EVI5L: variants seen among roughly 807,000 people sequenced by gnomAD.
EVI5L encodes ecotropic viral integration site 5 like, also known as EVI5-like protein.
EVI5L carries 30 observed loss-of-function variants against 106.1 expected under a neutral mutation model. The ratio of observed to expected loss-of-function variants is 0.28; its 90% CI spans 0.21 to 0.38. EVI5L has a LOEUF of 0.38. Among genes scored for constraint, EVI5L ranks in the 10% least tolerant of loss-of-function variants. The pLI, the probability that EVI5L is intolerant of heterozygous loss-of-function variation, is 1.00. For synonymous variants in EVI5L, 489 were observed against 483.3 expected (o/e 1.01, Z -0.15); for missense variants, 809 against 1,098.0 (o/e 0.74, Z 3.72).
Position 7,857,057 on chromosome 19 carries a change from T to A in EVI5L, c.1201-35T>A, listed in dbSNP as rs946092476. On this transcript the variant is annotated intron_variant, in intron 11 of 19. Coordinates refer to ENST00000538904, the MANE Select transcript of EVI5L (RefSeq NM_001159944.3). This position sits in a 1 kb window ranked among gnomAD's most constrained non-coding sequence, Gnocchi z 4.5. ...TCCCCGCGCCTTCCGCTCTGCCTCC[T>A]CCCCCTGTCGCTGGGAACCCCCTTC... The A allele has an allele frequency of 1.3e-6, 2 of 1,551,732 alleles. No individual in the cohort carries two copies. Among genetic ancestry groups the A allele is most frequent in the Non-Finnish European group, 1.7e-6 (2 of 1,146,936 alleles).
intron 1 of EVI5L, among the ~76,000 whole-genome samples, chr19:7,839,260 G>A (rs553976354): frequency 2.1e-4 from 31 of 147,556 alleles, no homozygotes; most frequent in African/African-American, 7.5e-4. Flanking sequence ...CCGAGATCGC[G>A]CCACTGCACT....
rs954794710 is a variant in EVI5L, at chr19:7,845,212, TAAG to T, written c.-47-1283_-47-1281del. On this transcript the variant is annotated intron_variant, in intron 1 of 19. Coordinates refer to ENST00000538904, the MANE Select transcript of EVI5L (RefSeq NM_001159944.3). The surrounding 1 kb of genome is among the most constrained non-coding windows in gnomAD (Gnocchi z 4.0). Reference sequence around the variant, plus strand: ...GGGCGGGCATGAGGAGCCGTGCAAATAAGGAGGCAGGAGGCAGGGTTTCCTTCC... The same window carrying T: ...GGGCGGGCATGAGGAGCCGTGCAAATGAGGCAGGAGGCAGGGTTTCCTTCC... 2.6e-5 allele frequency among the ~76,000 whole-genome samples: 4 copies of T among 151,946 alleles called. No individual in the cohort carries two copies. Among genetic ancestry groups the T allele is most frequent in the Non-Finnish European group, 5.9e-5 (4 of 67,964 alleles).
At chr19:7,862,670 C>A in intron 17 of EVI5L, 136 bp downstream of exon 17, 1 of 751,368 alleles carries the variant, frequency 1.3e-6, no homozygotes, top group Non-Finnish European at 1.9e-6. Flanking sequence ...CCCGCCCCCG[C>A]CCGCGGCCCC....
In EVI5L at chr19:7,863,116, G is replaced by T; in HGVS notation, c.2043+49G>T. Reference sequence around the variant, plus strand: ...GGGGCGGGGGCGGGGGCAGGGCCCGGGGCAGGAGCGGGGCCGGACCCCAGG... The same window carrying T: ...GGGGCGGGGGCGGGGGCAGGGCCCGTGGCAGGAGCGGGGCCGGACCCCAGG... On this transcript the variant is annotated intron_variant, in intron 18 of 19. Coordinates refer to ENST00000538904, the MANE Select transcript of EVI5L (RefSeq NM_001159944.3). This position sits in a 1 kb window ranked among gnomAD's most constrained non-coding sequence, Gnocchi z 7.7. 1 of 1,530,718 alleles carries T rather than the reference G, an allele frequency of 6.5e-7. No homozygotes were observed. Among genetic ancestry groups the T allele is most frequent in the South Asian group, 1.2e-5 (1 of 82,640 alleles). The allele number at this position is 1,530,718 out of a possible 1,614,324, so 94.8% of individuals were successfully genotyped here.
rs79492634 is a variant in EVI5L at position 7,850,462 on chromosome 19, G to T, written c.753+340G>T. ...TGTCTGCTCCAGAGTGTGGTGGAAG[G>T]AGGGAGTGTTGTCTGCCTGCCTGAT... On this transcript the variant is annotated intron_variant, in intron 6 of 19. Coordinates refer to ENST00000538904, the MANE Select transcript of EVI5L (RefSeq NM_001159944.3). The surrounding 1 kb of genome is among the most constrained non-coding windows in gnomAD (Gnocchi z 5.4). Among the ~76,000 whole-genome samples, 695 of 152,278 alleles carry T rather than the reference G, an allele frequency of 4.6e-3. 11 individuals carry two copies. The highest frequency in any genetic ancestry group is 0.043 in the East Asian group (221 of 5,178).
At chr19:7,843,428 T>TGTATC (rs1978781050) in intron 1 of EVI5L, among the ~76,000 whole-genome samples, 1 of 53,400 alleles carries the variant, frequency 1.9e-5, no homozygotes, top group Non-Finnish European at 4.2e-5. Flanking sequence ...CATGGGTGTG[T>TGTATC]CGAGAGTGTG....
intron 1 of EVI5L, among the ~76,000 whole-genome samples, chr19:7,842,672 A>G (rs1978686629): frequency 6.6e-6 from 1 of 151,306 alleles, no homozygotes; most frequent in Admixed American, 6.6e-5. Context: ...AAGTGTGTGC[A>G]TGGATGTGTG....
In EVI5L at chr19:7,848,772, A is replaced by G; in HGVS notation, c.328-149A>G. On this transcript the variant is annotated intron_variant, in intron 3 of 19. Coordinates refer to ENST00000538904, the MANE Select transcript of EVI5L (RefSeq NM_001159944.3). The surrounding 1 kb of genome is among the most constrained non-coding windows in gnomAD (Gnocchi z 4.8). ...TGACAGAGGGAGACCCTGTCTCTGA[A>G]AAAAGGGGGTAAAAAAAGGATTGGG... 2 of 706,604 alleles carry G rather than the reference A, an allele frequency of 2.8e-6. No individual in the cohort carries two copies. Among genetic ancestry groups the G allele is most frequent in the Non-Finnish European group, 4.6e-6 (2 of 431,170 alleles). The allele number at this position is 706,604 out of a possible 1,614,324, so 43.8% of individuals were successfully genotyped here. A position where few individuals can be genotyped will look rare whatever the true frequency, so the allele number is the denominator to read the frequency against.
chr19:7,834,683 AG>A (rs1670981663), intron 1 of EVI5L, among the ~76,000 whole-genome samples: 1 of 152,244 alleles, frequency 6.6e-6, no homozygotes, highest in Admixed American at 6.5e-5. Flanking sequence ...AGACAGCCCC[AG>A]CCCCTGCCCT....
Position 7,856,865 on chromosome 19 carries a change from C to T in EVI5L, c.1201-227C>T. The T allele has an allele frequency of 1.4e-6, 1 of 694,540 alleles. No homozygotes were observed. The highest frequency in any genetic ancestry group is 2.6e-6 in the Non-Finnish European group (1 of 380,540). The allele number at this position is 694,540 out of a possible 1,614,324, so 43.0% of individuals were successfully genotyped here. A position where few individuals can be genotyped will look rare whatever the true frequency, so the allele number is the denominator to read the frequency against. On this transcript the variant is annotated intron_variant, in intron 11 of 19. Coordinates refer to ENST00000538904, the MANE Select transcript of EVI5L (RefSeq NM_001159944.3). The surrounding 1 kb of genome is among the most constrained non-coding windows in gnomAD (Gnocchi z 6.6). ...CCCCACAGCCGCGGGCACCCCCGAC[C>T]TCCCCGCTCACACCGAACCCCTCTC...
Position 7,856,022 on chromosome 19 carries a change from G to C in EVI5L, c.1154G>C (p.Arg385Pro). The C allele has an allele frequency of 7.5e-7, 1 of 1,327,988 alleles. No individual in the cohort carries two copies. Among genetic ancestry groups the C allele is most frequent in the Non-Finnish European group, 9.7e-7 (1 of 1,029,218 alleles). The allele number at this position is 1,327,988 out of a possible 1,614,324, so 82.3% of individuals were successfully genotyped here. The change falls in exon 11 of 20, where the codon CGG becomes CCG. Residue 385 changes from arginine (R) to proline (P), a missense_variant. By Grantham distance (103) the Arg-to-Pro change is moderately radical. Around this residue, in one of 2 missense-constraint regions of EVI5L, gnomAD observed 357 missense variants for 588.1 expected, o/e 0.61. Coordinates refer to ENST00000538904, the MANE Select transcript of EVI5L (RefSeq NM_001159944.3). The surrounding 1 kb of genome is among the most constrained non-coding windows in gnomAD (Gnocchi z 6.6). Reference sequence around the variant, plus strand: ...CTCCCCCCACCCCCATAGAGACTTCGGACGGAGAACCGGCTCCTGAAACAG... The same window carrying C: ...CTCCCCCCACCCCCATAGAGACTTCCGACGGAGAACCGGCTCCTGAAACAG... ...MEEQIEIKRL[R>P]TENRLLKQRI...
At position 7,858,426 on chromosome 19, in the gene EVI5L, C is replaced by T; in HGVS notation, c.1374+95C>T. 2 of 1,421,144 alleles carry T rather than the reference C, an allele frequency of 1.4e-6. No individual in the cohort carries two copies. The highest frequency in any genetic ancestry group is 1.9e-6 in the Non-Finnish European group (2 of 1,077,928). 88.0% of individuals were successfully genotyped at this position (1,421,144 alleles called of 1,614,324 possible). A position where few individuals can be genotyped will look rare whatever the true frequency, so the allele number is the denominator to read the frequency against. On this transcript the variant is annotated intron_variant, in intron 13 of 19. Transcript: ENST00000538904. This position sits in a 1 kb window ranked among gnomAD's most constrained non-coding sequence, Gnocchi z 5.7. ...CTTTCAGGGCTCATAATCTGCCCCG[C>T]CTCAGCACCTGGCCCTCCTGTTCCT...
At chr19:7,846,746 A>T in intron 2 of EVI5L, 67 bp downstream of exon 2, 3 of 1,555,676 alleles carry the variant, frequency 1.9e-6, no homozygotes, top group South Asian at 1.2e-5. Flanking sequence ...AGGAGTTCCC[A>T]GGTGCCCTCA....
intron 2 of EVI5L, 126 bp downstream of exon 2, chr19:7,846,805 G>T: frequency 7.8e-7 from 1 of 1,281,446 alleles, no homozygotes. Context: ...ACCTCCAGAT[G>T]CTGGATGAGG....
chr19:7,840,700 T>C (rs760451830), intron 1 of EVI5L, among the ~76,000 whole-genome samples: 10 of 152,142 alleles, frequency 6.6e-5, no homozygotes, highest in Non-Finnish European at 1.2e-4. Flanking sequence ...ACATTCCGTA[T>C]AAAGGGAGTC....
At chr19:7,842,743 G>A (rs2146417908) in intron 1 of EVI5L, among the ~76,000 whole-genome samples, 1 of 147,064 alleles carries the variant, frequency 6.8e-6, no homozygotes, top group East Asian at 2.0e-4. Context: ...GTGCATGTGT[G>A]TGAAGGTACT....
At chr19:7,838,380 G>T (rs1338282619) in intron 1 of EVI5L, among the ~76,000 whole-genome samples, 1 of 152,142 alleles carries the variant, frequency 6.6e-6, no homozygotes, top group African/African-American at 2.4e-5. Context: ...CAAAGTGCTG[G>T]GATTACAGGT....
intron 1 of EVI5L, among the ~76,000 whole-genome samples, chr19:7,843,505 GTA>G (rs1329064839): frequency 2.7e-5 from 4 of 147,454 alleles, no homozygotes; most frequent in Admixed American, 1.4e-4. Flanking sequence ...GTGTATAGGT[GTA>G]TGAGTGTGTG....
chr19:7,849,413 G>A (rs1389517928), intron 5 of EVI5L, 83 bp downstream of exon 5: 49 of 1,455,628 alleles, frequency 3.4e-5, no homozygotes, highest in South Asian at 2.1e-4. Context: ...CAGAAGTGGC[G>A]TGTCCTCCAC....
Sources: allele counts gnomAD v4.1 joint callset (sites outside exome capture counted in the v4.1 genomes callset), GRCh38; gene constraint gnomAD v4.1.1; regional missense constraint gnomAD v4.1.1; non-coding constraint Gnocchi (gnomAD v3.1); transcripts MANE v1.5; gene names NCBI Gene and HGNC (gene_info 2026-07-23, HGNC 2026-07-21).